PIGL: variants seen among roughly 807,000 people sequenced by gnomAD.
The protein encoded by PIGL is phosphatidylinositol glycan anchor biosynthesis class L, also known as N-acetylglucosaminyl-phosphatidylinositol de-N-acetylase.
A neutral mutation model predicts 31.1 loss-of-function variants in PIGL; 22 were observed. That is an observed-to-expected ratio of 0.71 (90% CI 0.51 to 1.01). PIGL has a LOEUF of 1.01. PIGL is among the 50% of genes least tolerant of loss of function. The pLI is 0.00. For missense variants in PIGL, 302 were observed against 315.9 expected, an observed-to-expected ratio of 0.96 and a Z score of 0.33; for synonymous variants, 131 against 117.4, an observed-to-expected ratio of 1.12 and a Z score of -0.75.
chr17:16,239,067 C>A (rs2092711967), intron 2 of PIGL, among the ~76,000 whole-genome samples: 1 of 151,578 alleles, frequency 6.6e-6, no homozygotes, highest in African/African-American at 2.4e-5. Context: ...GGTGTGGTGG[C>A]ACGCACCCTG....
chr17:16,315,749 T>C (rs146797054), intron 4 of PIGL, among the ~76,000 whole-genome samples: 6,302 of 127,698 alleles, frequency 0.049, 182 homozygotes, highest in African/African-American at 0.09. Context: ...AGAGTCTCGC[T>C]CTGTCACCCA....
chr17:16,264,888 A>G (rs1030322060), intron 2 of PIGL, among the ~76,000 whole-genome samples: 3 of 152,060 alleles, frequency 2.0e-5, no homozygotes, highest in Admixed American at 6.6e-5. Flanking sequence ...CTGCCTCCCA[A>G]AGTGCTGGGA....
chr17:16,303,980 C>G (rs1358483252), intron 3 of PIGL, among the ~76,000 whole-genome samples: 1 of 152,160 alleles, frequency 6.6e-6, no homozygotes, highest in East Asian at 1.9e-4. Context: ...TCCCAAAGTG[C>G]TGGGATTACA....
At chr17:16,279,173 G>GT (rs1175882670) in intron 2 of PIGL, among the ~76,000 whole-genome samples, 1 of 152,202 alleles carries the variant, frequency 6.6e-6, no homozygotes, top group Non-Finnish European at 1.5e-5. Flanking sequence ...CCGGGAAGGA[G>GT]TCCCAATCCA....
intron 4 of PIGL, 96 bp from the exon 5 acceptor site, chr17:16,316,585 C>T: frequency 8.1e-7 from 1 of 1,232,126 alleles, no homozygotes; most frequent in Non-Finnish European, 1.1e-6. Context: ...ATGGAGGGGA[C>T]CATGGGCATG....
At chr17:16,304,839 T>G (rs1047029481) in intron 3 of PIGL, among the ~76,000 whole-genome samples, 3 of 152,146 alleles carry the variant, frequency 2.0e-5, no homozygotes, top group African/African-American at 7.2e-5. Flanking sequence ...CCTGCTCCCA[T>G]AGAGCAGGAT....
chr17:16,294,209 T>C (rs964931745), intron 2 of PIGL, among the ~76,000 whole-genome samples: 3 of 152,074 alleles, frequency 2.0e-5, no homozygotes, highest in Non-Finnish European at 4.4e-5. Context: ...TATTTTATCT[T>C]TACTGATGAT....
At chr17:16,309,441 C>G (rs1040474141) in intron 3 of PIGL, among the ~76,000 whole-genome samples, 3 of 152,216 alleles carry the variant, frequency 2.0e-5, no homozygotes, top group Non-Finnish European at 4.4e-5. Context: ...TTGATGAGCA[C>G]AAAACAGTAA....
At chr17:16,244,530 G>A (rs1206093703) in intron 2 of PIGL, among the ~76,000 whole-genome samples, 1 of 152,200 alleles carries the variant, frequency 6.6e-6, no homozygotes, top group Admixed American at 6.5e-5. Flanking sequence ...TGTTTTCGGG[G>A]ACAAATCTGT....
chr17:16,278,228 G>A (rs1235681001), intron 2 of PIGL, among the ~76,000 whole-genome samples: 2 of 152,018 alleles, frequency 1.3e-5, no homozygotes, highest in African/African-American at 2.4e-5. Flanking sequence ...GCTAATTTTT[G>A]TATTTTTAGT....
intron 2 of PIGL, among the ~76,000 whole-genome samples, chr17:16,277,726 A>G (rs1278423289): frequency 1.3e-5 from 2 of 152,230 alleles, no homozygotes; most frequent in African/African-American, 4.8e-5. Context: ...TCTAAAGAGG[A>G]CAAAGACAAG....
intron 2 of PIGL, among the ~76,000 whole-genome samples, chr17:16,263,017 A>T (rs1244955047): frequency 1.3e-5 from 2 of 150,530 alleles, no homozygotes; most frequent in South Asian, 4.3e-4. Flanking sequence ...AAGCAAATCC[A>T]TAGAAACAGA....
chr17:16,306,819 G>A (rs948795595), intron 3 of PIGL, among the ~76,000 whole-genome samples: 6 of 152,106 alleles, frequency 3.9e-5, no homozygotes, highest in Non-Finnish European at 7.3e-5. Context: ...GTGAGCCACC[G>A]CACCCGGCTG....
At chr17:16,299,517 T>C (rs1012966432) in intron 2 of PIGL, among the ~76,000 whole-genome samples, 1 of 152,116 alleles carries the variant, frequency 6.6e-6, no homozygotes, top group Non-Finnish European at 1.5e-5. Flanking sequence ...AAGTAACATA[T>C]CTTTGTACTT....
chr17:16,263,704 G>A (rs1258869370), intron 2 of PIGL, among the ~76,000 whole-genome samples: 1 of 150,356 alleles, frequency 6.7e-6, no homozygotes, highest in East Asian at 2.0e-4. Context: ...TGTATTTTTA[G>A]TAGAGGCAGG....
chr17:16,244,818 G>A (rs1052370906), intron 2 of PIGL, among the ~76,000 whole-genome samples: 4 of 152,000 alleles, frequency 2.6e-5, no homozygotes, highest in Non-Finnish European at 5.9e-5. Context: ...GGGACTACAG[G>A]CACACGTCAC....
chr17:16,219,141 A>G (rs1168274783), intron 1 of PIGL, among the ~76,000 whole-genome samples: 2 of 143,628 alleles, frequency 1.4e-5, no homozygotes, highest in Non-Finnish European at 3.0e-5. Flanking sequence ...ATCTCGGCTC[A>G]CTGTAAGTTC....
At chr17:16,217,805 A>T (rs1028346658) in intron 1 of PIGL, 9 of 249,348 alleles carry the variant, frequency 3.6e-5, no homozygotes, top group Non-Finnish European at 5.5e-5. Context: ...TATTGACCTT[A>T]CTATATAGCA....
At chr17:16,323,544 C>A (rs1043577238) in intron 6 of PIGL, among the ~76,000 whole-genome samples, 4 of 149,968 alleles carry the variant, frequency 2.7e-5, no homozygotes, top group African/African-American at 9.8e-5. Context: ...GTGTATGGGG[C>A]CTTTTTATTG....
Sources: allele counts gnomAD v4.1 joint callset (sites outside exome capture counted in the v4.1 genomes callset), GRCh38; gene constraint gnomAD v4.1.1; transcripts MANE v1.5; gene names NCBI Gene and HGNC (gene_info 2026-07-23, HGNC 2026-07-21).